CIT: variants seen among roughly 807,000 people sequenced by gnomAD.
The protein encoded by CIT is citron rho-interacting serine/threonine kinase, also known as citron Rho-interacting kinase.
CIT carries 79 observed loss-of-function variants against 272.7 expected under a neutral mutation model. That is an observed-to-expected ratio of 0.29 (90% CI 0.24 to 0.35). The LOEUF is 0.35. Ranked by LOEUF, CIT falls within the 10% of genes least tolerant of loss-of-function variation. The probability of loss-of-function intolerance (pLI) is 1.00; values close to 1 mark genes in which losing one functional copy is unlikely to be tolerated. For missense variants in CIT, 1,909 were observed against 2,618.3 expected, an observed-to-expected ratio of 0.73 and a Z score of 5.91; for synonymous variants, 948 against 995.6, an observed-to-expected ratio of 0.95 and a Z score of 0.90.
intron 27 of CIT, among the ~76,000 whole-genome samples, 154 bp downstream of exon 27, chr12:119,730,341 T>A (rs1385118753): frequency 2.7e-5 from 4 of 150,214 alleles, no homozygotes; most frequent in African/African-American, 7.3e-5. Context: ...AAATGTCCCA[T>A]GGTAAGGCAA....
At chr12:119,766,624 G>T (rs1962482660) in intron 19 of CIT, among the ~76,000 whole-genome samples, 1 of 152,126 alleles carries the variant, frequency 6.6e-6, no homozygotes, top group African/African-American at 2.4e-5. Context: ...ATAACTTAAA[G>T]AATGTAATTA....
At chr12:119,797,850 A>C (rs966610039) in intron 10 of CIT, among the ~76,000 whole-genome samples, 1 of 152,238 alleles carries the variant, frequency 6.6e-6, no homozygotes, top group African/African-American at 2.4e-5. Context: ...GGCAAACAAA[A>C]GTACAAAATG....
Position 119,857,531 on chromosome 12 carries a change from G to A in CIT, c.406C>T (p.Gln136Ter), listed in dbSNP as rs780440870. ...KVMKKKALLA[Q>*]EQVSFFEEER... ...TGTTAAAATCCTCCTACCTGCTCCT[G>A]GGCCAATAAAGCCTTCTTCTTCATC... Residue 136 changes from glutamine (Q) to a stop codon, truncating the protein, a stop_gained, in exon 4 of 48, where the codon CAG becomes TAG. Coordinates refer to ENST00000392521, the MANE Select transcript of CIT (RefSeq NM_001206999.2). LOFTEE classifies it high-confidence loss of function. The A allele has an allele frequency of 1.2e-6, 2 of 1,613,906 alleles. No individual in the cohort carries two copies. Among genetic ancestry groups the A allele is most frequent in the African/African-American group, 2.7e-5 (2 of 74,920 alleles).
In CIT at chr12:119,825,352, G is replaced by A. The variant is rs776244070; in HGVS notation, c.770C>T (p.Pro257Leu). ...AGCCATGTAATCTGGGGTCCCAATC[G>A]GGAGTTTGGCATTCACCTAGAATCC... ...NSNKMVNAKL[P>L]IGTPDYMAPE... Residue 257 changes from proline to leucine, a missense_variant, in exon 8 of 48, where the codon CCG becomes CTG. By Grantham distance (98) the Pro-to-Leu change is moderately conservative. Transcript: ENST00000392521. The A allele has an allele frequency of 6.2e-6, 10 of 1,613,916 alleles. No individual in the cohort carries two copies. The highest frequency in any genetic ancestry group is 1.7e-5 in the Admixed American group (1 of 59,988).
At chr12:119,720,729 TAGTCCAGTTTTA>T in intron 29 of CIT, 144 bp from the exon 30 acceptor site, 1 of 515,606 alleles carries the variant, frequency 1.9e-6, no homozygotes, top group African/African-American at 2.0e-5. Flanking sequence ...AGTATGTATT[TAGTCCAGTTTTA>T]CTGCAAAAGA....
intron 46 of CIT, among the ~76,000 whole-genome samples, chr12:119,691,425 C>T (rs1391919315): frequency 6.6e-6 from 1 of 152,056 alleles, no homozygotes; most frequent in Non-Finnish European, 1.5e-5. Context: ...TCACCTCTGC[C>T]CCCATGTGGC....
chr12:119,807,815 C>G (rs1459952008), intron 9 of CIT, among the ~76,000 whole-genome samples: 1 of 151,818 alleles, frequency 6.6e-6, no homozygotes, highest in Non-Finnish European at 1.5e-5. Context: ...CCCCAGCTGC[C>G]ACATACCCAC....
At chr12:119,745,400 A>G (rs2952404) in intron 23 of CIT, among the ~76,000 whole-genome samples, 1 of 143,664 alleles carries the variant, frequency 7.0e-6, no homozygotes, top group African/African-American at 2.6e-5. Flanking sequence ...AAAAAAAAAC[A>G]CCTGTCCACA....
At position 119,697,874 on chromosome 12, in the gene CIT, A is replaced by G; in HGVS notation, c.5703-36T>C. ...CCAGAGTTCCAGTTACCTTCATTGC[A>G]GGCTACCTCCATTGCTAGGCAAGTT... On this transcript the variant is annotated intron_variant, in intron 45 of 47. Transcript: ENST00000392521. The surrounding 1 kb of genome is among the most constrained non-coding windows in gnomAD (Gnocchi z 4.9). 6.2e-7 allele frequency: 1 copy of G among 1,613,354 alleles called. No homozygotes were observed. The highest frequency in any genetic ancestry group is 8.5e-7 in the Non-Finnish European group (1 of 1,179,400).
In CIT at chr12:119,704,045, T is replaced by C. The variant is rs371848093; in HGVS notation, c.5304+318A>G. On this transcript the variant is annotated intron_variant, in intron 41 of 47. Coordinates refer to ENST00000392521, the MANE Select transcript of CIT (RefSeq NM_001206999.2). ...CTAGGATCTTAGAAAGAGCCCCCCCTTTTTTTTTTCCACTGGTTTTTCCTA... is the reference window on the plus strand; with the variant it reads ...CTAGGATCTTAGAAAGAGCCCCCCCCTTTTTTTTTCCACTGGTTTTTCCTA... 5.9e-3 allele frequency among the ~76,000 whole-genome samples: 868 copies of C among 148,016 alleles called. 6 individuals are homozygous for C. Among genetic ancestry groups the C allele is most frequent in the African/African-American group, 0.019 (780 of 40,712 alleles).
At chr12:119,767,593 C>A (rs562873515) in intron 18 of CIT, among the ~76,000 whole-genome samples, 3 of 152,136 alleles carry the variant, frequency 2.0e-5, no homozygotes, top group Non-Finnish European at 4.4e-5. Context: ...TTTAAAAATA[C>A]TTTGTATTTT....
chr12:119,787,129 T>A (rs559981518), intron 10 of CIT, among the ~76,000 whole-genome samples: 16 of 152,078 alleles, frequency 1.1e-4, no homozygotes, highest in Middle Eastern at 3.4e-3. Context: ...CACACCCAGC[T>A]GATTTTTGTA....
chr12:119,710,412 G>C lies in CIT; in HGVS notation c.4936-26C>G. On this transcript the variant is annotated intron_variant, in intron 38 of 47. Transcript: ENST00000392521. This position sits in a 1 kb window ranked among gnomAD's most constrained non-coding sequence, Gnocchi z 5.6. ...CTGCAAGGGCAGAAGTCCGAAGGCA[G>C]AACATAAGCACGGTCACGTCACCAG... The C allele has an allele frequency of 6.2e-7, 1 of 1,613,936 alleles. No homozygotes were observed. Among genetic ancestry groups the C allele is most frequent in the Non-Finnish European group, 8.5e-7 (1 of 1,179,922 alleles).
intron 3 of CIT, among the ~76,000 whole-genome samples, chr12:119,858,255 G>A (rs923641789): frequency 1.3e-5 from 2 of 152,154 alleles, no homozygotes; most frequent in Admixed American, 1.3e-4. Flanking sequence ...GGTGGCTGAC[G>A]CCTGTAATCC....
intron 4 of CIT, among the ~76,000 whole-genome samples, chr12:119,853,359 T>G (rs1970360031): frequency 6.6e-6 from 1 of 152,324 alleles, no homozygotes; most frequent in South Asian, 2.1e-4. Context: ...TGTTTCAATT[T>G]TTTTATTTAA....
intron 3 of CIT, among the ~76,000 whole-genome samples, chr12:119,858,273 T>C (rs1950228940): frequency 6.6e-6 from 1 of 152,088 alleles, no homozygotes; most frequent in Non-Finnish European, 1.5e-5. Context: ...TCCCAACACT[T>C]TGGGAGGCCT....
At position 119,688,144 on chromosome 12, in the gene CIT, G is replaced by A; in HGVS notation, c.*88C>T. On this transcript the variant is annotated 3_prime_UTR_variant, in exon 48 of 48. Transcript: ENST00000392521. ...AGCCAGAGGGTGGCTGAGCACGTGGGCGCTTGGGTCCCCATCAGCAGAGTT... is the reference window on the plus strand; with the variant it reads ...AGCCAGAGGGTGGCTGAGCACGTGGACGCTTGGGTCCCCATCAGCAGAGTT... 6.9e-7 allele frequency: 1 copy of A among 1,445,224 alleles called. No individual in the cohort carries two copies. Among genetic ancestry groups the A allele is most frequent in the Non-Finnish European group, 9.7e-7 (1 of 1,026,554 alleles). The allele number at this position is 1,445,224 out of a possible 1,614,324, so 89.5% of individuals were successfully genotyped here.
At position 119,735,210 on chromosome 12, in the gene CIT, G is replaced by A; in HGVS notation, c.3106C>T (p.Leu1036Phe). The A allele has an allele frequency of 6.2e-7, 1 of 1,614,136 alleles. No individual in the cohort carries two copies. Among genetic ancestry groups the A allele is most frequent in the Non-Finnish European group, 8.5e-7 (1 of 1,180,040 alleles). ...IVQLRSEVDH[L>F]RREITEREMQ... ...TCTCGTTCCGTGATCTCCCGGCGGAGATGGTCCACTTCACTTCGCAGTTGT... is the reference window on the plus strand; with the variant it reads ...TCTCGTTCCGTGATCTCCCGGCGGAAATGGTCCACTTCACTTCGCAGTTGT... Residue 1036 changes from leucine (L) to phenylalanine (F), a missense_variant, in exon 25 of 48, where the codon CTC (leucine) becomes TTC (phenylalanine). By Grantham distance (22) the Leu-to-Phe change is conservative (BLOSUM62 0). Coordinates refer to ENST00000392521, the MANE Select transcript of CIT (RefSeq NM_001206999.2).
intron 3 of CIT, among the ~76,000 whole-genome samples, chr12:119,860,053 A>G (rs1226139377): frequency 6.6e-5 from 10 of 152,100 alleles, no homozygotes; most frequent in Non-Finnish European, 5.9e-5. Context: ...CCTAGACTCA[A>G]GCAATCCTCC....
Sources: gnomAD v4.1 joint callset for allele counts (sites outside exome capture counted in the v4.1 genomes callset) on GRCh38, gnomAD v4.1.1 for gene constraint, Gnocchi (gnomAD v3.1) non-coding constraint, MANE v1.5 for transcripts, NCBI Gene and HGNC (gene_info 2026-07-23, HGNC 2026-07-21) for gene names.